MAD2L1: variants seen among roughly 807,000 people sequenced by gnomAD.
MAD2L1 encodes the protein mitotic arrest deficient 2 like 1.
A neutral mutation model predicts 25.9 loss-of-function variants in MAD2L1; 10 were observed. That is an observed-to-expected ratio of 0.39 (90% CI 0.24 to 0.66). The LOEUF (loss-of-function observed/expected upper bound fraction) is 0.66. Ranked by LOEUF, MAD2L1 falls within the 30% of genes least tolerant of loss-of-function variation. MAD2L1 has a pLI of 0.49. For synonymous variants in MAD2L1, 81 were observed against 91.8 expected, an observed-to-expected ratio of 0.88 and a Z score of 0.67; for missense variants, 180 against 246.4, an observed-to-expected ratio of 0.73 and a Z score of 1.80.
intron 1 of MAD2L1, 47 bp downstream of exon 1, chr4:120,066,615 G>T: frequency 6.4e-7 from 1 of 1,551,094 alleles, no homozygotes; most frequent in Non-Finnish European, 8.8e-7. Context: ...CTACTGAGCC[G>T]TCACGACTCC....
At chr4:120,064,706 A>T (rs1297518172) in intron 2 of MAD2L1, among the ~76,000 whole-genome samples, 1 of 152,210 alleles carries the variant, frequency 6.6e-6, no homozygotes, top group Admixed American at 6.5e-5. Context: ...CATAAATGGC[A>T]AGGCAATGTT....
chr4:120,066,823 A>C lies in MAD2L1; in HGVS notation c.-89T>G. 1.0e-6 allele frequency: 1 copy of C among 989,242 alleles called. No homozygotes were observed. The highest frequency in any genetic ancestry group is 1.6e-6 in the Non-Finnish European group (1 of 640,758). The allele number at this position is 989,242 out of a possible 1,614,324, so 61.3% of individuals were successfully genotyped here. On this transcript the variant is annotated 5_prime_UTR_variant, in exon 1 of 5. Transcript: ENST00000296509. ...CAGCACTTCCCCGCCAAGCGTTTCA[A>C]AAGTAACGACGCAGCACGTCGTCAG...
rs370077017 is a variant in MAD2L1, at chr4:120,064,832, C to T, written c.220+840G>A. 7.9e-5 allele frequency among the ~76,000 whole-genome samples: 12 copies of T among 151,242 alleles called. No homozygotes were observed. The East Asian group carries it at 9.7e-4, about 12-fold the overall frequency. On this transcript the variant is annotated intron_variant, in intron 2 of 4. Coordinates refer to ENST00000296509, the MANE Select transcript of MAD2L1 (RefSeq NM_002358.4). Reference sequence around the variant, plus strand: ...TGGGTTAGTAAAAATGCAATAAAAACGGTAAAAAAGACACATTTCTGGTCA... The same window carrying T: ...TGGGTTAGTAAAAATGCAATAAAAATGGTAAAAAAGACACATTTCTGGTCA...
At position 120,060,776 on chromosome 4, in the gene MAD2L1, T is replaced by C. The variant is rs771237013; in HGVS notation, c.445+98A>G. The C allele has an allele frequency of 3.7e-4, 266 of 715,378 alleles. 1 individual carries two copies. Among genetic ancestry groups the C allele is most frequent in the Non-Finnish European group, 5.6e-4 (238 of 427,784 alleles). 44.3% of individuals were successfully genotyped at this position (715,378 alleles called of 1,614,324 possible). Reference sequence around the variant, plus strand: ...TCCTTCAATTTATATTACATAAATCTGATAAATAAGACAAAATTTAATAAA... The same window carrying C: ...TCCTTCAATTTATATTACATAAATCCGATAAATAAGACAAAATTTAATAAA... On this transcript the variant is annotated intron_variant, in intron 4 of 4. Coordinates refer to ENST00000296509, the MANE Select transcript of MAD2L1 (RefSeq NM_002358.4).
In MAD2L1 at chr4:120,066,841, G is replaced by T; in HGVS notation, c.-107C>A. The T allele has an allele frequency of 1.3e-6, 1 of 783,266 alleles. No homozygotes were observed. Among genetic ancestry groups the T allele is most frequent in the East Asian group, 2.8e-5 (1 of 35,176 alleles). 48.5% of individuals were successfully genotyped at this position (783,266 alleles called of 1,614,324 possible). A position where few individuals can be genotyped will look rare whatever the true frequency, so the allele number is the denominator to read the frequency against. ...CGTTTCAAAAGTAACGACGCAGCAC[G>T]TCGTCAGGTCCTTTGCGCAGGCGCG... is the stretch of plus-strand genomic sequence containing the variant. On this transcript the variant is annotated 5_prime_UTR_variant, in exon 1 of 5. Coordinates refer to ENST00000296509, the MANE Select transcript of MAD2L1 (RefSeq NM_002358.4).
chr4:120,064,506 A>C (rs993035894), intron 2 of MAD2L1, among the ~76,000 whole-genome samples: 2 of 152,228 alleles, frequency 1.3e-5, no homozygotes, highest in African/African-American at 4.8e-5. Context: ...TGTTACTGGC[A>C]TTTGGTGAGT....
At chr4:120,066,581 G>A in intron 1 of MAD2L1, 81 bp downstream of exon 1, 1 of 1,283,848 alleles carries the variant, frequency 7.8e-7, no homozygotes, top group Non-Finnish European at 1.1e-6. Context: ...TTACTTCTCT[G>A]GTATCAGAGG....
chr4:120,064,008 A>G (rs2110509136), intron 2 of MAD2L1, among the ~76,000 whole-genome samples: 1 of 152,246 alleles, frequency 6.6e-6, no homozygotes, highest in Admixed American at 6.5e-5. Context: ...AAACCGAACA[A>G]CTTGCCTCTA....
At chr4:120,061,432 T>G (rs943223037) in intron 3 of MAD2L1, among the ~76,000 whole-genome samples, 1 of 152,162 alleles carries the variant, frequency 6.6e-6, no homozygotes, top group Non-Finnish European at 1.5e-5. Context: ...AGCTAAAAAT[T>G]TCCTAAAATA....
At position 120,059,242 on chromosome 4, in the gene MAD2L1, A is replaced by G. The variant is rs971236919; in HGVS notation, c.*876T>C. On this transcript the variant is annotated 3_prime_UTR_variant, in exon 5 of 5. Coordinates refer to ENST00000296509, the MANE Select transcript of MAD2L1 (RefSeq NM_002358.4). ...ATGATGAAGTAATAGCCTTAAGTCT[A>G]TTGCTATGAGATGAACAGGATGTGA... The G allele has an allele frequency of 2.0e-5, 3 of 152,208 alleles. No homozygotes were observed. The highest frequency in any genetic ancestry group is 7.2e-5 in the African/African-American group (3 of 41,466). 9.4% of individuals were successfully genotyped at this position (152,208 alleles called of 1,614,324 possible).
chr4:120,056,599 T>C lies in MAD2L1; in HGVS notation c.*3519A>G, dbSNP rs1196759394. 2 of 152,226 alleles carry C rather than the reference T, an allele frequency of 1.3e-5. No homozygotes were observed. The highest frequency in any genetic ancestry group is 6.5e-5 in the Admixed American group (1 of 15,286). The allele number at this position is 152,226 out of a possible 1,614,324, so 9.4% of individuals were successfully genotyped here. On this transcript the variant is annotated 3_prime_UTR_variant, in exon 5 of 5. Coordinates refer to ENST00000296509, the MANE Select transcript of MAD2L1 (RefSeq NM_002358.4). ...ATTGTGCTAATAATCTTTGAATCTATATGCTAAAATATATAGGAAGTCAGT... is the reference window on the plus strand; with the variant it reads ...ATTGTGCTAATAATCTTTGAATCTACATGCTAAAATATATAGGAAGTCAGT...
Position 120,056,390 on chromosome 4 carries a change from C to A in MAD2L1, c.*3728G>T, listed in dbSNP as rs1334125318. 1 of 152,108 alleles carries A rather than the reference C, an allele frequency of 6.6e-6. No individual in the cohort carries two copies. The highest frequency in any genetic ancestry group is 1.9e-4 in the East Asian group (1 of 5,196). The allele number at this position is 152,108 out of a possible 1,614,324, so 9.4% of individuals were successfully genotyped here. A position where few individuals can be genotyped will look rare whatever the true frequency, so the allele number is the denominator to read the frequency against. ...CCTTGCTTTTCCAATAAGCTTACAG[C>A]CTTTAGAACCAAAAGAAAGTCATCT... is the stretch of plus-strand genomic sequence containing the variant. On this transcript the variant is annotated 3_prime_UTR_variant, in exon 5 of 5. Coordinates refer to ENST00000296509, the MANE Select transcript of MAD2L1 (RefSeq NM_002358.4).
At chr4:120,063,437 C>G (rs1337616448) in intron 2 of MAD2L1, among the ~76,000 whole-genome samples, 1 of 152,136 alleles carries the variant, frequency 6.6e-6, no homozygotes, top group Non-Finnish European at 1.5e-5. Flanking sequence ...TTAAACAAAC[C>G]TGTAAGTGTA....
At chr4:120,061,919 A>T in intron 3 of MAD2L1, 56 bp downstream of exon 3, 1 of 1,362,300 alleles carries the variant, frequency 7.3e-7, no homozygotes, top group South Asian at 1.4e-5. Flanking sequence ...ATTAGTAATA[A>T]AAACAAGTTT....
chr4:120,062,113 G>A lies in MAD2L1; in HGVS notation c.221-18C>T, dbSNP rs749569318. On this transcript the variant is annotated intron_variant, in intron 2 of 4. Coordinates refer to ENST00000296509, the MANE Select transcript of MAD2L1 (RefSeq NM_002358.4). ...TAACCAATCTGCAACATATAAAAAG[G>A]AAGGCATCTTTCTTGGTCCACTGCA... 1.9e-6 allele frequency: 3 copies of A among 1,598,682 alleles called. No homozygotes were observed.
At chr4:120,060,686 A>G (rs1726198089) in intron 4 of MAD2L1, among the ~76,000 whole-genome samples, 188 bp downstream of exon 4, 1 of 152,164 alleles carries the variant, frequency 6.6e-6, no homozygotes, top group Non-Finnish European at 1.5e-5. Flanking sequence ...GGTTTCAGGT[A>G]TTCACTGTGG....
intron 1 of MAD2L1, among the ~76,000 whole-genome samples, chr4:120,066,356 A>G (rs1323430678): frequency 6.6e-6 from 1 of 151,824 alleles, no homozygotes; most frequent in Non-Finnish European, 1.5e-5. Flanking sequence ...AAAAAAAAAG[A>G]AAAACACACA....
intron 1 of MAD2L1, among the ~76,000 whole-genome samples, chr4:120,066,117 C>G (rs2110509900): frequency 6.6e-6 from 1 of 152,016 alleles, no homozygotes; most frequent in East Asian, 1.9e-4. Flanking sequence ...GATTATGAGG[C>G]TAGAGGATGT....
intron 3 of MAD2L1, among the ~76,000 whole-genome samples, chr4:120,061,220 T>C (rs1453327759): frequency 6.6e-6 from 1 of 152,172 alleles, no homozygotes; most frequent in Non-Finnish European, 1.5e-5. Context: ...CTGGTCTTAG[T>C]GTCAGGTCAT....
Sources: allele counts gnomAD v4.1 joint callset (sites outside exome capture counted in the v4.1 genomes callset), GRCh38; gene constraint gnomAD v4.1.1; transcripts MANE v1.5; gene names NCBI Gene and HGNC (gene_info 2026-07-23, HGNC 2026-07-21).